SATL1: variants seen among roughly 807,000 people sequenced by gnomAD.
The protein encoded by SATL1 is spermidine/spermine N1-acetyl transferase like 1.
In SATL1, 47 loss-of-function variants were observed where a neutral mutation model predicts 51.8. That is an observed-to-expected ratio of 0.91 (90% CI 0.72 to 1.16). The LOEUF is 1.16. Among genes scored for constraint, SATL1 ranks in the 50% most tolerant of loss-of-function variants. The probability of loss-of-function intolerance (pLI) is 0.00; values close to 1 mark genes in which losing one functional copy is unlikely to be tolerated. For missense variants in SATL1, 520 were observed against 526.4 expected (o/e 0.99, Z 0.12); for synonymous variants, 176 against 182.4 (o/e 0.97, Z 0.28).
In SATL1 at chrX:85,196,236, A is replaced by G. The variant is rs145225572; in HGVS notation, c.-313+27969T>C. ...CTACTTAGAAATAAATTTAACAAAA[A>G]AGCACAAAGCTACAAAGTAGAAAAC... On this transcript the variant is annotated intron_variant, in intron 2 of 7. Coordinates refer to ENST00000644105, the MANE Select transcript of SATL1 (RefSeq NM_001367857.2). 1.4e-4 allele frequency among the ~76,000 whole-genome samples: 16 copies of G among 112,218 alleles called. No homozygotes were observed. The East Asian group carries it at 3.6e-3, about 25-fold the overall frequency.
chrX:85,213,363 A>G (rs1927969610), intron 2 of SATL1, among the ~76,000 whole-genome samples: 2 of 112,242 alleles, frequency 1.8e-5, no homozygotes, highest in Admixed American at 1.9e-4. Flanking sequence ...ATGTTAACAA[A>G]TAACATAGAA....
chrX:85,156,863 AT>A (rs1569238919), intron 2 of SATL1, among the ~76,000 whole-genome samples: 79 of 52,678 alleles, frequency 1.5e-3, no homozygotes, highest in African/African-American at 5.1e-3. Flanking sequence ...ATATATATAT[AT>A]ATATAAAATA....
chrX:85,146,806 T>G (rs1163088106), intron 2 of SATL1, among the ~76,000 whole-genome samples: 3 of 112,569 alleles, frequency 2.7e-5, no homozygotes, highest in Non-Finnish European at 5.6e-5. Flanking sequence ...ATATTCTCCC[T>G]CTCCATAAAT....
At chrX:85,200,465 GTTA>G (rs1161118900) in intron 2 of SATL1, among the ~76,000 whole-genome samples, 6 of 111,928 alleles carry the variant, frequency 5.4e-5, no homozygotes, top group Non-Finnish European at 1.1e-4. Flanking sequence ...GGCAGACATT[GTTA>G]TTATTAGTTC....
chrX:85,101,805 C>T (rs944661811), intron 4 of SATL1, among the ~76,000 whole-genome samples: 1 of 110,925 alleles, frequency 9.0e-6, no homozygotes, highest in African/African-American at 3.3e-5. Flanking sequence ...ATATATCTCA[C>T]ATTATATATA....
intron 2 of SATL1, chrX:85,143,488 T>C (rs187023681): frequency 9.0e-6 from 1 of 111,692 alleles, no homozygotes; most frequent in African/African-American, 3.2e-5. Flanking sequence ...TTTCTGACTG[T>C]ACGTTGTGAA....
intron 2 of SATL1, among the ~76,000 whole-genome samples, chrX:85,178,427 T>C (rs1322954537): frequency 9.0e-6 from 1 of 110,663 alleles, no homozygotes; most frequent in Admixed American, 9.8e-5. Flanking sequence ...GTTTTTGTTT[T>C]TGTTTTAGAA....
intron 2 of SATL1, among the ~76,000 whole-genome samples, chrX:85,160,906 A>G (rs1357832342): frequency 2.7e-5 from 3 of 111,612 alleles, no homozygotes; most frequent in Non-Finnish European, 3.8e-5. Context: ...AAAGAAAAAA[A>G]TCTTAAAGGC....
intron 2 of SATL1, among the ~76,000 whole-genome samples, chrX:85,148,053 G>A (rs1379252306): frequency 5.4e-5 from 6 of 111,297 alleles, no homozygotes; most frequent in African/African-American, 2.0e-4. Flanking sequence ...TCAAACCAAA[G>A]GCAAAGAAGT....
At chrX:85,127,571 G>GTTATT (rs1925657414) in intron 2 of SATL1, among the ~76,000 whole-genome samples, 1 of 111,487 alleles carries the variant, frequency 9.0e-6, no homozygotes, top group South Asian at 3.8e-4. Context: ...TCCATATCCT[G>GTTATT]TTGGCAAATA....
intron 2 of SATL1, among the ~76,000 whole-genome samples, chrX:85,161,677 T>TA (rs751765402): frequency 1.4e-4 from 16 of 110,690 alleles, no homozygotes; most frequent in Non-Finnish European, 3.0e-4. Context: ...AGCAGGTTCT[T>TA]AGAGACCTAC....
At chrX:85,152,838 G>A (rs894230436) in intron 2 of SATL1, among the ~76,000 whole-genome samples, 1 of 110,063 alleles carries the variant, frequency 9.1e-6, no homozygotes, top group East Asian at 2.9e-4. Flanking sequence ...TAGTGGGGAG[G>A]GATAGCATTA....
In SATL1 at chrX:85,108,879, G is replaced by A. The variant is rs754382127; in HGVS notation, c.90C>T (p.Asn30=). 2 of 1,211,508 alleles carry A rather than the reference G, an allele frequency of 1.7e-6. No homozygotes were observed. Among genetic ancestry groups the A allele is most frequent in the South Asian group, 1.8e-5 (1 of 56,975 alleles). Residue 30 remains asparagine, a synonymous_variant, in exon 3 of 8, where the codon AAC becomes AAT. Transcript: ENST00000644105. ...NQPSTNSLGM[N]QMDMNQGSAS... ...CACTCCCTTGGTTCATGTCCATTTGGTTCATACCAAGTGAGTTTGTGCTTG... is the reference window on the plus strand; with the variant it reads ...CACTCCCTTGGTTCATGTCCATTTGATTCATACCAAGTGAGTTTGTGCTTG...
intron 2 of SATL1, among the ~76,000 whole-genome samples, chrX:85,191,527 A>G (rs1206207056): frequency 9.0e-6 from 1 of 111,633 alleles, no homozygotes; most frequent in Non-Finnish European, 1.9e-5. Context: ...AAATCCGTGT[A>G]TAACTTTTGA....
At chrX:85,159,722 T>C (rs972721261) in intron 2 of SATL1, among the ~76,000 whole-genome samples, 3 of 111,360 alleles carry the variant, frequency 2.7e-5, no homozygotes, top group African/African-American at 9.8e-5. Context: ...CACAACTGCA[T>C]GCAGTTGCTG....
chrX:85,122,023 TA>T (rs371866938), intron 2 of SATL1, among the ~76,000 whole-genome samples: 3,555 of 96,972 alleles, frequency 0.037, 148 homozygotes, highest in African/African-American at 0.12. Flanking sequence ...ACTAAATAGG[TA>T]AAAAAAAAAA....
At chrX:85,131,645 T>C in intron 2 of SATL1, among the ~76,000 whole-genome samples, 1 of 111,849 alleles carries the variant, frequency 8.9e-6, no homozygotes, top group Middle Eastern at 4.6e-3. Flanking sequence ...TTAGCCCATT[T>C]ACATTTAAGG....
chrX:85,160,406 T>C (rs770652284), intron 2 of SATL1, among the ~76,000 whole-genome samples: 8 of 110,316 alleles, frequency 7.3e-5, no homozygotes, highest in Non-Finnish European at 1.3e-4. Context: ...CAGCAGTAAA[T>C]TGAAACCCAA....
At chrX:85,150,960 G>A (rs895907730) in intron 2 of SATL1, among the ~76,000 whole-genome samples, 2 of 111,269 alleles carry the variant, frequency 1.8e-5, no homozygotes, top group Admixed American at 1.9e-4. Flanking sequence ...TGGAAGTTCC[G>A]GCCAGGGTAA....
Sources: allele counts gnomAD v4.1 joint callset (sites outside exome capture counted in the v4.1 genomes callset), GRCh38; gene constraint gnomAD v4.1.1; transcripts MANE v1.5; gene names NCBI Gene and HGNC (gene_info 2026-07-23, HGNC 2026-07-21).